The following PKNOX1 variants were observed in gnomAD, a reference collection of about 807,000 sequenced individuals.
PKNOX1 encodes the protein PBX/knotted 1 homeobox 1, also known as homeobox protein PKNOX1.
A neutral mutation model predicts 51.9 loss-of-function variants in PKNOX1; 15 were observed. That is an observed-to-expected ratio of 0.29 (90% confidence interval 0.19 to 0.45). The LOEUF is 0.45. Among genes scored for constraint, PKNOX1 ranks in the 20% least tolerant of loss-of-function variants. The pLI is 1.00. For missense variants in PKNOX1, 462 were observed against 547.5 expected (o/e 0.84, Z 1.56); for synonymous variants, 219 against 211.1 (o/e 1.04, Z -0.32).
chr21:42,993,392 G>A (rs1174639585), intron 1 of PKNOX1, among the ~76,000 whole-genome samples: 5 of 152,252 alleles, frequency 3.3e-5, no homozygotes, highest in African/African-American at 9.6e-5. Context: ...GGGCCTCCAC[G>A]TTGCCCTGCT....
At position 42,982,147 on chromosome 21, in the gene PKNOX1, C is replaced by T. The variant is rs571078514; in HGVS notation, c.-57+7483C>T. ...ACACCACCTACCAGGCGCTGACCTT[C>T]GGGCTGGGGGCTGGCCTTGGGTGTT... On this transcript the variant is annotated intron_variant, in intron 1 of 10. Transcript: ENST00000291547. Among the ~76,000 whole-genome samples, 5 of 152,268 alleles carry T rather than the reference C, an allele frequency of 3.3e-5. No individual in the cohort carries two copies. The East Asian group carries it at 7.7e-4, about 24-fold the overall frequency.
At chr21:43,029,371 T>C (rs2146298836) in intron 10 of PKNOX1, among the ~76,000 whole-genome samples, 1 of 152,120 alleles carries the variant, frequency 6.6e-6, no homozygotes, top group South Asian at 2.1e-4. Context: ...GGTCTTCATA[T>C]TTTGGATGGT....
In PKNOX1 at chr21:42,988,670, G is replaced by C. The variant is rs148656398; in HGVS notation, c.-57+14006G>C. On this transcript the variant is annotated intron_variant, in intron 1 of 10. Coordinates refer to ENST00000291547, the MANE Select transcript of PKNOX1 (RefSeq NM_004571.5). The stretch of plus-strand genomic sequence containing the variant: ...TGCTGAGAGTCACTGTGGAGGGTCA[G>C]ATTCTTTCCGGTGGCTCCCATGCTT... 2.6e-5 allele frequency among the ~76,000 whole-genome samples: 4 copies of C among 152,322 alleles called. No individual in the cohort carries two copies. In the East Asian group the frequency reaches 7.7e-4, roughly 29 times the overall value.
intron 1 of PKNOX1, among the ~76,000 whole-genome samples, chr21:42,998,284 A>G (rs1448129534): frequency 1.3e-5 from 2 of 152,168 alleles, no homozygotes; most frequent in African/African-American, 4.8e-5. Context: ...TCATGAGAAC[A>G]GCACAGAAAA....
intron 9 of PKNOX1, among the ~76,000 whole-genome samples, chr21:43,027,513 C>T (rs1185583621): frequency 6.6e-6 from 1 of 152,180 alleles, no homozygotes; most frequent in Non-Finnish European, 1.5e-5. Context: ...TTAAAGGCAA[C>T]AGCTCATAGC....
chr21:43,023,678 G>A (rs1453082448), intron 8 of PKNOX1, among the ~76,000 whole-genome samples: 3 of 151,470 alleles, frequency 2.0e-5, no homozygotes, highest in Non-Finnish European at 4.4e-5. Flanking sequence ...GCAGTGGCGC[G>A]ATCTCGGCTC....
At chr21:42,993,811 C>A (rs1300330075) in intron 1 of PKNOX1, among the ~76,000 whole-genome samples, 1 of 149,690 alleles carries the variant, frequency 6.7e-6, no homozygotes. Flanking sequence ...GGGCTCACAG[C>A]AGCCTCCGCT....
Position 43,021,516 on chromosome 21 carries a change from C to T in PKNOX1, c.849+85C>T. ...TATGTGTCATGGAAAAGGGTTACTT[C>T]TCTGGGCTCAGAAAATCAAAGGCCT... On this transcript the variant is annotated intron_variant, in intron 8 of 10. Coordinates refer to ENST00000291547, the MANE Select transcript of PKNOX1 (RefSeq NM_004571.5). The surrounding 1 kb of genome is among the most constrained non-coding windows in gnomAD (Gnocchi z 4.6). 1.4e-6 allele frequency: 2 copies of T among 1,434,114 alleles called. No homozygotes were observed. The highest frequency in any genetic ancestry group is 9.4e-7 in the Non-Finnish European group (1 of 1,068,132). The allele number at this position is 1,434,114 out of a possible 1,614,324, so 88.8% of individuals were successfully genotyped here. A position where few individuals can be genotyped will look rare whatever the true frequency, so the allele number is the denominator to read the frequency against.
At chr21:42,980,630 A>T (rs960237804) in intron 1 of PKNOX1, among the ~76,000 whole-genome samples, 1 of 152,198 alleles carries the variant, frequency 6.6e-6, no homozygotes, top group African/African-American at 2.4e-5. Context: ...TAAATAGATG[A>T]AGAAGAGAAC....
chr21:43,005,303 G>A (rs1054362594), intron 2 of PKNOX1, among the ~76,000 whole-genome samples: 15 of 152,166 alleles, frequency 9.9e-5, no homozygotes, highest in Non-Finnish European at 1.9e-4. Context: ...AGCCATGCTG[G>A]TGAGGTCTGA....
chr21:42,987,544 G>A (rs1314173066), intron 1 of PKNOX1, among the ~76,000 whole-genome samples: 1 of 150,192 alleles, frequency 6.7e-6, no homozygotes, highest in Non-Finnish European at 1.5e-5. Flanking sequence ...TCAGGGATTG[G>A]CAAACCACAG....
In PKNOX1 at chr21:43,021,660, C is replaced by T. The variant is rs566807010; in HGVS notation, c.849+229C>T. On this transcript the variant is annotated intron_variant, in intron 8 of 10. Coordinates refer to ENST00000291547, the MANE Select transcript of PKNOX1 (RefSeq NM_004571.5). The surrounding 1 kb of genome is among the most constrained non-coding windows in gnomAD (Gnocchi z 4.6). Reference sequence around the variant, plus strand: ...CACCCGAGCACATGTGAGGCGTACACGTGTGTCCGAGACAGCCCACCACGA... The same window carrying T: ...CACCCGAGCACATGTGAGGCGTACATGTGTGTCCGAGACAGCCCACCACGA... Among the ~76,000 whole-genome samples, 35 of 152,306 alleles carry T rather than the reference C, an allele frequency of 2.3e-4. No individual in the cohort carries two copies. In the South Asian group the frequency reaches 5.6e-3, roughly 24 times the overall value.
Position 43,016,961 on chromosome 21 carries a change from G to T in PKNOX1, c.576G>T (p.Pro192=), listed in dbSNP as rs200529595. 6.2e-7 allele frequency: 1 copy of T among 1,612,848 alleles called. No individual in the cohort carries two copies. The highest frequency in any genetic ancestry group is 1.7e-5 in the Admixed American group (1 of 60,018). Residue 192 remains proline (P), a synonymous_variant, in exon 6 of 11, where the codon CCG becomes CCT. Transcript: ENST00000291547. ...GTISPQGIVV[P]ASALQQGNVA... is the part of the protein sequence containing the mutation. ...TCAGCCCTCAGGGAATTGTGGTGCCGGCGTCCGCGCTGCAGCAGGGAAACG... is the reference window on the plus strand; with the variant it reads ...TCAGCCCTCAGGGAATTGTGGTGCCTGCGTCCGCGCTGCAGCAGGGAAACG...
chr21:42,979,430 A>C (rs2059015318), intron 1 of PKNOX1, among the ~76,000 whole-genome samples: 1 of 152,230 alleles, frequency 6.6e-6, no homozygotes, highest in Non-Finnish European at 1.5e-5. Context: ...AATAAAGCAA[A>C]ACACAATAAA....
chr21:43,027,593 G>C (rs1252178365), intron 9 of PKNOX1, among the ~76,000 whole-genome samples: 1 of 152,154 alleles, frequency 6.6e-6, no homozygotes, highest in Non-Finnish European at 1.5e-5. Flanking sequence ...ATACTCATTT[G>C]ATATGAAACA....
At chr21:42,975,554 G>T (rs2058991091) in intron 1 of PKNOX1, among the ~76,000 whole-genome samples, 1 of 152,232 alleles carries the variant, frequency 6.6e-6, no homozygotes, top group African/African-American at 2.4e-5. Context: ...ATGAAGAAAC[G>T]CGGAGTCTGC....
rs369424593 is a variant in PKNOX1 at position 42,985,509 on chromosome 21, G to A, written c.-57+10845G>A. ...GGCACCACACCTGGCTCATTTTTGT[G>A]TTTTTAGTAGAGACGGGGTTTTGCC... On this transcript the variant is annotated intron_variant, in intron 1 of 10. Coordinates refer to ENST00000291547, the MANE Select transcript of PKNOX1 (RefSeq NM_004571.5). Among the ~76,000 whole-genome samples, 8 of 151,028 alleles carry A rather than the reference G, an allele frequency of 5.3e-5. No individual in the cohort carries two copies. In the South Asian group the frequency reaches 6.3e-4, roughly 12 times the overall value.
chr21:43,005,991 C>T (rs141128421), intron 2 of PKNOX1, among the ~76,000 whole-genome samples: 52 of 152,158 alleles, frequency 3.4e-4, no homozygotes, highest in Admixed American at 1.1e-3. Flanking sequence ...ATATCTACAG[C>T]GTAGACCTAT....
rs770954908 is a variant in PKNOX1 at position 43,007,513 on chromosome 21, A to C, written c.74A>C (p.Lys25Thr). The C allele has an allele frequency of 1.2e-6, 2 of 1,613,814 alleles. No individual in the cohort carries two copies. Among genetic ancestry groups the C allele is most frequent in the Non-Finnish European group, 1.7e-6 (2 of 1,179,786 alleles). The change falls in exon 3 of 11, where the codon AAG (lysine) becomes ACG (threonine). Residue 25 changes from lysine (K) to threonine (T), a missense_variant. By Grantham distance (78) the Lys-to-Thr change is moderately conservative (BLOSUM62 -1). Transcript: ENST00000291547. Reference sequence around the variant, plus strand: ...CAGATGCAAGTAGTAACAGAGTTAAAGACAGAACAAGATCCAAACTGCTCT... The same window carrying C: ...CAGATGCAAGTAGTAACAGAGTTAACGACAGAACAAGATCCAAACTGCTCT... ...GQQMQVVTEL[K>T]TEQDPNCSEP...
Sources: gnomAD v4.1 joint callset for allele counts (sites outside exome capture counted in the v4.1 genomes callset) on GRCh38, gnomAD v4.1.1 for gene constraint, Gnocchi (gnomAD v3.1) non-coding constraint, MANE v1.5 for transcripts, NCBI Gene and HGNC (gene_info 2026-07-23, HGNC 2026-07-21) for gene names.